CTNS: variants seen among roughly 807,000 people sequenced by gnomAD.
CTNS encodes cystinosin.
In CTNS, 27 loss-of-function variants were observed where a neutral mutation model predicts 43.7. The observed-to-expected ratio is 0.62, with a 90% CI of 0.46 to 0.85. The LOEUF is 0.85. Ranked by LOEUF, CTNS falls within the 40% of genes least tolerant of loss-of-function variation. The pLI is 0.00. For synonymous variants in CTNS, 187 were observed against 190.6 expected, an observed-to-expected ratio of 0.98 and a Z score of 0.16; for missense variants, 457 against 475.4, an observed-to-expected ratio of 0.96 and a Z score of 0.36.
intron 3 of CTNS, among the ~76,000 whole-genome samples, chr17:3,645,985 G>C (rs2075833762): frequency 6.6e-6 from 1 of 151,602 alleles, no homozygotes; most frequent in African/African-American, 2.4e-5. Context: ...TGGGGGGTCT[G>C]AGTGACGGGG....
In CTNS at chr17:3,658,009, G is replaced by A. The variant is rs1170178096; in HGVS notation, c.686G>A (p.Gly229Asp). 4 of 1,609,200 alleles carry A rather than the reference G, an allele frequency of 2.5e-6. No homozygotes were observed. The highest frequency in any genetic ancestry group is 1.3e-5 in the African/African-American group (1 of 74,874). The change falls in exon 10 of 12, where the codon GGT becomes GAT. Residue 229 changes from glycine (G) to aspartate (D), a missense_variant. Gly to Asp is a moderately conservative substitution (Grantham distance 94). Transcript: ENST00000046640. ...CTGCCCTCCTCTCGCCCCCAGCGCG[G>A]TGGCCAGCGCGTGTCCTGGCCTGCC... Reference protein sequence around the residue: ...IIVQCCLYERGGQRVSWPAIG... With the variant: ...IIVQCCLYERDGQRVSWPAIG...
At chr17:3,643,221 G>C (rs1290503620) in intron 3 of CTNS, among the ~76,000 whole-genome samples, 2 of 152,026 alleles carry the variant, frequency 1.3e-5, no homozygotes, top group African/African-American at 2.4e-5. Context: ...GGCTGAGACA[G>C]GAGAATTGCT....
chr17:3,660,758 G>T lies in CTNS; in HGVS notation c.*389G>T. On this transcript the variant is annotated 3_prime_UTR_variant, in exon 12 of 12. Coordinates refer to ENST00000046640, the MANE Select transcript of CTNS (RefSeq NM_004937.3). ...GACCTTGCAGCCGGGTGAGCCAAGG[G>T]CACTTTGCTGCCACCGCTGCATTCC... 6.2e-7 allele frequency: 1 copy of T among 1,613,066 alleles called. No homozygotes were observed. The highest frequency in any genetic ancestry group is 8.5e-7 in the Non-Finnish European group (1 of 1,179,960).
At chr17:3,641,538 C>G (rs976272449) in intron 3 of CTNS, among the ~76,000 whole-genome samples, 3 of 150,862 alleles carry the variant, frequency 2.0e-5, no homozygotes, top group Non-Finnish European at 4.4e-5. Flanking sequence ...ATTACAGGCA[C>G]CCGCAACTAC....
chr17:3,660,196 G>A (rs1249872898), intron 11 of CTNS, 40 bp from the exon 12 acceptor site: 1 of 1,613,520 alleles, frequency 6.2e-7, no homozygotes, highest in Non-Finnish European at 8.5e-7. Flanking sequence ...CTCAGGAGCT[G>A]CCAACCTAAC....
In CTNS at chr17:3,641,380, A is replaced by ATG; in HGVS notation, c.61+1114_61+1115insGT. 5.2e-5 allele frequency among the ~76,000 whole-genome samples: 2 copies of ATG among 38,232 alleles called. 1 individual carries two copies. The highest frequency in any genetic ancestry group is 1.7e-3 in the East Asian group (2 of 1,210). The allele number at this position is 38,232 out of a possible 152,430, so 25.1% of individuals were successfully genotyped here. A position where few individuals can be genotyped will look rare whatever the true frequency, so the allele number is the denominator to read the frequency against. ...GATACATATATATATATATATATAT[A>ATG]TATATTTTTTTTTTTTTTTTTTTTT... On this transcript the variant is annotated intron_variant, in intron 3 of 11. Coordinates refer to ENST00000046640, the MANE Select transcript of CTNS (RefSeq NM_004937.3).
intron 5 of CTNS, chr17:3,650,452 A>T (rs2075953261): frequency 8.7e-7 from 1 of 1,155,248 alleles, no homozygotes; most frequent in Non-Finnish European, 1.2e-6. Context: ...ACTGCCCTCC[A>T]GCCTGAGTGT....
intron 3 of CTNS, among the ~76,000 whole-genome samples, chr17:3,644,257 A>G (rs541275440): frequency 1.4e-4 from 21 of 152,158 alleles, no homozygotes; most frequent in Non-Finnish European, 2.6e-4. Flanking sequence ...CACTGTACAG[A>G]TAAGGAAATG....
At chr17:3,642,992 A>G (rs1427659656) in intron 3 of CTNS, among the ~76,000 whole-genome samples, 1 of 152,102 alleles carries the variant, frequency 6.6e-6, no homozygotes, top group African/African-American at 2.4e-5. Flanking sequence ...TAGAATGCTC[A>G]GTTTCCTGAA....
intron 9 of CTNS, 112 bp downstream of exon 9, chr17:3,656,907 C>G: frequency 6.5e-7 from 1 of 1,531,752 alleles, no homozygotes; most frequent in East Asian, 2.3e-5. Context: ...TGTGTTCATT[C>G]ATCCAGGTCC....
At chr17:3,657,745 G>C in intron 9 of CTNS, 1 of 559,462 alleles carries the variant, frequency 1.8e-6, no homozygotes, top group Admixed American at 3.1e-5. Context: ...AGTCCAAGCA[G>C]CCTGAACAGG....
intron 10 of CTNS, among the ~76,000 whole-genome samples, chr17:3,659,194 G>GA (rs201960729): frequency 5.9e-5 from 9 of 152,104 alleles, no homozygotes; most frequent in South Asian, 4.1e-4. Flanking sequence ...CTGCCTCACG[G>GA]GGGGAAGGAA....
intron 2 of CTNS, among the ~76,000 whole-genome samples, chr17:3,638,545 A>T (rs1164312470): frequency 6.6e-6 from 1 of 152,062 alleles, no homozygotes; most frequent in Non-Finnish European, 1.5e-5. Context: ...GCCTAATCTG[A>T]TGTTTTTTAA....
rs139916432 is a variant in CTNS at position 3,643,130 on chromosome 17, T to C, written c.61+2863T>C. ...GAGATCGAGACTATCCTGGCTAACA[T>C]GGTGAAATCCCGTCTCTACCAAAAA... is the stretch of plus-strand genomic sequence containing the variant. On this transcript the variant is annotated intron_variant, in intron 3 of 11. Coordinates refer to ENST00000046640, the MANE Select transcript of CTNS (RefSeq NM_004937.3). Among the ~76,000 whole-genome samples the C allele has an allele frequency of 7.9e-3, 1,195 of 151,654 alleles. 25 individuals carry two copies. Among genetic ancestry groups the C allele is most frequent in the Middle Eastern group, 0.038 (11 of 292 alleles).
At chr17:3,636,506 C>G (rs2075533077), upstream of CTNS, 1 of 391,844 alleles carries the variant, frequency 2.6e-6, no homozygotes, top group Non-Finnish European at 4.6e-6. Flanking sequence ...GCTTCGCTCA[C>G]GAAAGGAGCC....
chr17:3,660,599 C>A lies in CTNS; in HGVS notation c.*230C>A. On this transcript the variant is annotated 3_prime_UTR_variant, in exon 12 of 12. Coordinates refer to ENST00000046640, the MANE Select transcript of CTNS (RefSeq NM_004937.3). ...ACGTGGCACCGTCGCCTTGACACCG[C>A]CATCTCTTTTCTTTAAGGCTTCAGG... 2 of 1,613,388 alleles carry A rather than the reference C, an allele frequency of 1.2e-6. No homozygotes were observed. Among genetic ancestry groups the A allele is most frequent in the East Asian group, 4.5e-5 (2 of 44,880 alleles).
At chr17:3,656,296 T>C (rs1336529460) in intron 7 of CTNS, among the ~76,000 whole-genome samples, 191 bp from the exon 8 acceptor site, 1 of 7,940 alleles carries the variant, frequency 1.3e-4, no homozygotes. Flanking sequence ...CCCCTGCCAG[T>C]CCTCACCCCC....
intron 5 of CTNS, among the ~76,000 whole-genome samples, chr17:3,649,429 G>T (rs941362073): frequency 6.7e-6 from 1 of 150,082 alleles, no homozygotes; most frequent in Non-Finnish European, 1.5e-5. Context: ...TCCAGCCTGG[G>T]TGACAGAGTG....
chr17:3,651,700 C>G (rs693999), intron 5 of CTNS, among the ~76,000 whole-genome samples: 134,256 of 152,020 alleles, frequency 0.88, 61,519 homozygotes, highest in Non-Finnish European at 1. Flanking sequence ...GGCTGGGCAC[C>G]GTGGGATTAC....
Sources: gnomAD v4.1 joint callset for allele counts (sites outside exome capture counted in the v4.1 genomes callset) on GRCh38, gnomAD v4.1.1 for gene constraint, MANE v1.5 for transcripts, NCBI Gene and HGNC (gene_info 2026-07-23, HGNC 2026-07-21) for gene names.